Variants in DCDC1 observed in about 807,000 individuals in gnomAD.
DCDC1 encodes the protein doublecortin domain containing 1.
Under a neutral mutation model 178.3 loss-of-function variants are expected in DCDC1, and 200 were observed. The ratio of observed to expected loss-of-function variants is 1.12; its 90% CI spans 1.00 to 1.26. The LOEUF is 1.26. DCDC1 is among the 50% of genes most tolerant of loss of function. The pLI is 0.00. For synonymous variants in DCDC1, 690 were observed against 604.8 expected (o/e 1.14, Z -2.07); for missense variants, 1,983 against 1,749.2 (o/e 1.13, Z -2.38).
At chr11:31,158,306 A>T (rs552616159) in intron 9 of DCDC1, among the ~76,000 whole-genome samples, 132 of 150,152 alleles carry the variant, frequency 8.8e-4, no homozygotes, top group African/African-American at 3.1e-3. Flanking sequence ...TTTAGTAGAG[A>T]CGGGGTTTCA....
At chr11:30,865,743 T>C (rs899544724) in intron 38 of DCDC1, among the ~76,000 whole-genome samples, 7 of 152,062 alleles carry the variant, frequency 4.6e-5, no homozygotes, top group African/African-American at 1.2e-4. Context: ...ATTTACCTCA[T>C]AGGATAATAG....
rs1227951966 is a variant in DCDC1, at chr11:31,011,917, T to G, written c.2591+52552A>C. Among the ~76,000 whole-genome samples, 6 of 152,332 alleles carry G rather than the reference T, an allele frequency of 3.9e-5. No homozygotes were observed. In the East Asian group the frequency reaches 7.7e-4, roughly 20 times the overall value. On this transcript the variant is annotated intron_variant, in intron 20 of 38. Transcript: ENST00000684477. The stretch of plus-strand genomic sequence containing the variant: ...GTCCCCGCCCAAATCTTATGTCGAA[T>G]TGTAATCCCCAGCGTTGGAGGAGGG...
At chr11:31,135,013 TA>T (rs1356532813) in intron 10 of DCDC1, among the ~76,000 whole-genome samples, 2 of 152,066 alleles carry the variant, frequency 1.3e-5, no homozygotes, top group Non-Finnish European at 1.5e-5. Flanking sequence ...AAAAAATTTT[TA>T]AAAAAATTTT....
intron 31 of DCDC1, 108 bp from the exon 32 acceptor site, chr11:30,903,791 G>T: frequency 7.9e-6 from 8 of 1,006,798 alleles, no homozygotes; most frequent in Non-Finnish European, 1.1e-5. Context: ...AATTGAATTT[G>T]AGAAAATAGA....
At chr11:31,295,254 T>C (rs925044098) in intron 6 of DCDC1, among the ~76,000 whole-genome samples, 9 of 152,328 alleles carry the variant, frequency 5.9e-5, no homozygotes, top group Admixed American at 5.9e-4. Flanking sequence ...TATTCTATTG[T>C]TATTTTTTAT....
chr11:31,344,382 C>A (rs1357705808), intron 1 of DCDC1, among the ~76,000 whole-genome samples: 1 of 152,120 alleles, frequency 6.6e-6, no homozygotes, highest in Admixed American at 6.5e-5. Flanking sequence ...CCCTCTGATA[C>A]CCCCACCTAG....
chr11:31,232,697 C>T (rs1181122787), intron 9 of DCDC1, among the ~76,000 whole-genome samples: 1 of 152,118 alleles, frequency 6.6e-6, no homozygotes, highest in Non-Finnish European at 1.5e-5. Context: ...TCACCTTAGA[C>T]AAGGACCTTA....
chr11:30,934,143 A>C (rs2134334640), intron 21 of DCDC1, among the ~76,000 whole-genome samples: 1 of 152,352 alleles, frequency 6.6e-6, no homozygotes, highest in East Asian at 1.9e-4. Flanking sequence ...TCCAATTCAC[A>C]ATCTTAATAG....
intron 17 of DCDC1, among the ~76,000 whole-genome samples, chr11:31,081,946 G>C (rs1957201097): frequency 1.3e-5 from 2 of 152,118 alleles, no homozygotes; most frequent in African/African-American, 4.8e-5. Context: ...ACACACAAAA[G>C]TGTATCTGCC....
intron 20 of DCDC1, among the ~76,000 whole-genome samples, chr11:31,041,783 G>C (rs1245617808): frequency 6.6e-6 from 1 of 152,124 alleles, no homozygotes; most frequent in Non-Finnish European, 1.5e-5. Flanking sequence ...TCTGATTCCA[G>C]TCTCTTCTTG....
intron 20 of DCDC1, among the ~76,000 whole-genome samples, chr11:31,034,409 A>G (rs1213664656): frequency 6.6e-6 from 1 of 152,208 alleles, no homozygotes; most frequent in Non-Finnish European, 1.5e-5. Context: ...AATGTACAAT[A>G]ATGTCCTAGA....
chr11:31,159,028 CA>C lies in DCDC1; in HGVS notation c.1222-21245del, dbSNP rs1020314617. Among the ~76,000 whole-genome samples the C allele has an allele frequency of 3.3e-5, 5 of 151,628 alleles. No homozygotes were observed. In the East Asian group the frequency reaches 5.8e-4, roughly 18 times the overall value. The stretch of plus-strand genomic sequence containing the variant: ...TACCAAAAAAAATACAAAAAAACCC[CA>C]AAAAATACCAATAAAAATAATAAAA... On this transcript the variant is annotated intron_variant, in intron 9 of 38. Transcript: ENST00000684477.
rs1460345455 is a variant in DCDC1 at position 30,911,379 on chromosome 11, A to T, written c.3695T>A (p.Val1232Glu). Residue 1232 changes from valine (V) to glutamate (E), a missense_variant, in exon 28 of 39, where the codon GTG becomes GAG. Physicochemically the swap from Val to Glu is moderately radical, Grantham distance 121. Transcript: ENST00000684477. ...LVSNPDLVLA[V>E]SMTKTRNEVC... Reference sequence around the variant, plus strand: ...TTCATTTCTAGTCTTGGTCATAGACACTGCCAGCACAAGGTCAGGGTTACT... The same window carrying T: ...TTCATTTCTAGTCTTGGTCATAGACTCTGCCAGCACAAGGTCAGGGTTACT... The T allele has an allele frequency of 6.2e-7, 1 of 1,605,370 alleles. No individual in the cohort carries two copies. Among genetic ancestry groups the T allele is most frequent in the African/African-American group, 1.3e-5 (1 of 74,848 alleles).
intron 10 of DCDC1, among the ~76,000 whole-genome samples, chr11:31,132,363 C>G (rs890381049): frequency 2.6e-5 from 4 of 152,168 alleles, no homozygotes; most frequent in Admixed American, 1.3e-4. Context: ...GACAACTCTA[C>G]ACATGAAATA....
intron 15 of DCDC1, among the ~76,000 whole-genome samples, chr11:31,098,443 C>A (rs1958292768): frequency 6.6e-6 from 1 of 152,218 alleles, no homozygotes; most frequent in African/African-American, 2.4e-5. Context: ...CTGACTCCCA[C>A]ATTACAAATG....
chr11:31,200,518 G>A (rs1971168366), intron 9 of DCDC1, among the ~76,000 whole-genome samples: 1 of 151,930 alleles, frequency 6.6e-6, no homozygotes. Context: ...TTGTCACAAT[G>A]GTCAGAAAGT....
intron 9 of DCDC1, among the ~76,000 whole-genome samples, chr11:31,140,355 T>C (rs900298359): frequency 1.3e-5 from 2 of 152,154 alleles, no homozygotes; most frequent in Non-Finnish European, 2.9e-5. Flanking sequence ...ATCCCCACCA[T>C]GTAGGGGAGG....
chr11:31,261,658 G>A (rs964250498), intron 8 of DCDC1, among the ~76,000 whole-genome samples: 9 of 151,994 alleles, frequency 5.9e-5, no homozygotes, highest in Admixed American at 1.3e-4. Flanking sequence ...TTTTATATAA[G>A]GGACCTGAGC....
At chr11:31,286,986 G>T (rs1281816976) in intron 7 of DCDC1, among the ~76,000 whole-genome samples, 2 of 152,016 alleles carry the variant, frequency 1.3e-5, no homozygotes, top group Non-Finnish European at 1.5e-5. Context: ...ATTAACTCCA[G>T]AGAAAAGACA....
Sources: allele counts gnomAD v4.1 joint callset (sites outside exome capture counted in the v4.1 genomes callset), GRCh38; gene constraint gnomAD v4.1.1; transcripts MANE v1.5; gene names NCBI Gene and HGNC (gene_info 2026-07-23, HGNC 2026-07-21).